Variants in POLR3H observed in about 807,000 individuals in gnomAD.
POLR3H encodes the protein DNA-directed RNA polymerase III subunit RPC8.
In POLR3H, 17 loss-of-function variants were observed where a neutral mutation model predicts 25.5. The observed-to-expected ratio is 0.67, with a 90% confidence interval of 0.46 to 1.00. The LOEUF is 1.00. POLR3H is among the 50% of genes least tolerant of loss of function. POLR3H has a pLI of 0.00. For synonymous variants in POLR3H, 129 were observed against 103.0 expected, an observed-to-expected ratio of 1.25 and a Z score of -1.53; for missense variants, 274 against 265.0, an observed-to-expected ratio of 1.03 and a Z score of -0.24.
At position 41,544,261 on chromosome 22, in the gene POLR3H, A is replaced by T. The variant is rs1394271077; in HGVS notation, c.-160T>A. ...CGGTCTCGGGGGCCCGGTCCGGGCC[A>T]TGCTCCGCTACTACAACATGAGGAA... On this transcript the variant is annotated 5_prime_UTR_variant, in exon 1 of 6. An upstream start codon of the reference 5' UTR is lost. Transcript: ENST00000355209. 1.7e-6 allele frequency: 1 copy of T among 585,796 alleles called. No individual in the cohort carries two copies. The highest frequency in any genetic ancestry group is 2.8e-5 in the East Asian group (1 of 35,096). 36.3% of individuals were successfully genotyped at this position (585,796 alleles called of 1,614,324 possible).
chr22:41,540,464 C>G, intron 2 of POLR3H: 3 of 537,024 alleles, frequency 5.6e-6, no homozygotes, highest in South Asian at 1.9e-5. Context: ...ACTCCCACCA[C>G]CCTCTGGCCA....
chr22:41,536,758 C>T (rs750073170), intron 2 of POLR3H, among the ~76,000 whole-genome samples: 4 of 147,862 alleles, frequency 2.7e-5, no homozygotes, highest in Non-Finnish European at 5.9e-5. Context: ...CTCAGCTACT[C>T]GGGAAGCTGA....
intron 1 of POLR3H, chr22:41,543,700 T>C: frequency 3.6e-6 from 2 of 550,292 alleles, no homozygotes; most frequent in Non-Finnish European, 7.1e-6. Context: ...AGCAATATTT[T>C]ATCCCCATTT....
In POLR3H at chr22:41,529,071, G is replaced by C; in HGVS notation, c.*212C>G. 1 of 577,618 alleles carries C rather than the reference G, an allele frequency of 1.7e-6. No homozygotes were observed. The highest frequency in any genetic ancestry group is 3.1e-6 in the Non-Finnish European group (1 of 326,698). 35.8% of individuals were successfully genotyped at this position (577,618 alleles called of 1,614,324 possible). A position where few individuals can be genotyped will look rare whatever the true frequency, so the allele number is the denominator to read the frequency against. On this transcript the variant is annotated 3_prime_UTR_variant, in exon 6 of 6. Coordinates refer to ENST00000355209, the MANE Select transcript of POLR3H (RefSeq NM_001018050.4). ...AGTCAAGGTCAGTGGAGGCCCAACA[G>C]CCACAGCCACAGATGGATCCATCAC...
rs563348920 is a variant in POLR3H at position 41,529,990 on chromosome 22, C to T, written c.562-654G>A. On this transcript the variant is annotated intron_variant, in intron 5 of 5. Coordinates refer to ENST00000355209, the MANE Select transcript of POLR3H (RefSeq NM_001018050.4). ...CAGGATGGTCTCAATCTCCTGACCT[C>T]GTGATCCGCCCACCTTGGCCTCCCA... is the stretch of plus-strand genomic sequence containing the variant. Among the ~76,000 whole-genome samples, 47 of 152,120 alleles carry T rather than the reference C, an allele frequency of 3.1e-4. 1 individual carries two copies. The highest frequency in any genetic ancestry group is 4.3e-4 in the Non-Finnish European group (29 of 67,966).
At chr22:41,540,168 A>T (rs1387698412) in intron 2 of POLR3H, 1 of 248,252 alleles carries the variant, frequency 4.0e-6, no homozygotes, top group African/African-American at 2.2e-5. Context: ...CTACTATCCA[A>T]GTCCCCCACC....
chr22:41,536,412 T>C (rs905896101), intron 2 of POLR3H, among the ~76,000 whole-genome samples: 6 of 151,338 alleles, frequency 4.0e-5, no homozygotes, highest in African/African-American at 1.5e-4. Flanking sequence ...ATGAAAGTTC[T>C]GGAGGTGGAT....
intron 5 of POLR3H, chr22:41,529,671 A>G (rs1453419119): frequency 1.6e-6 from 1 of 627,594 alleles, no homozygotes; most frequent in Non-Finnish European, 3.0e-6. Context: ...TCCAACAGGG[A>G]GCAGCCTTGA....
At chr22:41,534,077 C>T (rs1601952372) in intron 2 of POLR3H, among the ~76,000 whole-genome samples, 1 of 151,882 alleles carries the variant, frequency 6.6e-6, no homozygotes, top group East Asian at 1.9e-4. Flanking sequence ...GTGGAGGTTG[C>T]AGTACGCCAA....
At chr22:41,533,661 G>A (rs1452603268) in intron 2 of POLR3H, 1 of 1,303,918 alleles carries the variant, frequency 7.7e-7, no homozygotes, top group East Asian at 5.5e-5. Context: ...CAGGGCATGA[G>A]GAGAGGCAGC....
chr22:41,532,824 C>G (rs2066767242), intron 2 of POLR3H, 79 bp from the exon 3 acceptor site: 2 of 1,495,066 alleles, frequency 1.3e-6, no homozygotes, highest in Admixed American at 3.7e-5. Flanking sequence ...TGCCAGCACA[C>G]CTGGGGGCCT....
chr22:41,532,793 C>T (rs200267395), intron 2 of POLR3H, 48 bp from the exon 3 acceptor site: 228 of 1,593,536 alleles, frequency 1.4e-4, no homozygotes, highest in Middle Eastern at 6.7e-4. Context: ...GGCCCCAGTG[C>T]GCTCCCATGT....
chr22:41,529,445 G>A, intron 5 of POLR3H, 109 bp from the exon 6 acceptor site: 1 of 929,490 alleles, frequency 1.1e-6, no homozygotes, highest in Non-Finnish European at 1.7e-6. Context: ...GAAGAGGCGG[G>A]GCACACGGCA....
Position 41,526,138 on chromosome 22 carries a change from C to T in POLR3H, c.*3145G>A. 3.8e-6 allele frequency: 3 copies of T among 788,734 alleles called. No individual in the cohort carries two copies. Among genetic ancestry groups the T allele is most frequent in the South Asian group, 1.8e-5 (1 of 56,812 alleles). 48.9% of individuals were successfully genotyped at this position (788,734 alleles called of 1,614,324 possible). A position where few individuals can be genotyped will look rare whatever the true frequency, so the allele number is the denominator to read the frequency against. On this transcript the variant is annotated 3_prime_UTR_variant, in exon 6 of 6. Transcript: ENST00000355209. The stretch of plus-strand genomic sequence containing the variant: ...CACAGAACACGTGTCTGAAGACTTG[C>T]CTGCCTCTCACCCCTCTGTCACCCC...
In POLR3H at chr22:41,527,053, T is replaced by G. The variant is rs1569025053; in HGVS notation, c.*2230A>C. 6.6e-6 allele frequency: 4 copies of G among 606,268 alleles called. No individual in the cohort carries two copies. Among genetic ancestry groups the G allele is most frequent in the Middle Eastern group, 4.5e-4 (1 of 2,220 alleles). 37.6% of individuals were successfully genotyped at this position (606,268 alleles called of 1,614,324 possible). Reference sequence around the variant, plus strand: ...CAAGCACCAATGGGTGGCTTCTGTCTTCTTTGCCACTGCAAACAACCACGT... The same window carrying G: ...CAAGCACCAATGGGTGGCTTCTGTCGTCTTTGCCACTGCAAACAACCACGT... On this transcript the variant is annotated 3_prime_UTR_variant, in exon 6 of 6. Transcript: ENST00000355209.
At chr22:41,538,461 T>C (rs1194388716) in intron 2 of POLR3H, among the ~76,000 whole-genome samples, 1 of 152,156 alleles carries the variant, frequency 6.6e-6, no homozygotes, top group Non-Finnish European at 1.5e-5. Context: ...GGTTTTGCCA[T>C]GTTGGCCAGG....
At position 41,526,104 on chromosome 22, in the gene POLR3H, C is replaced by T. The variant is rs78687674; in HGVS notation, c.*3179G>A. 8.9e-4 allele frequency: 558 copies of T among 629,450 alleles called. 5 individuals are homozygous for T. The East Asian group carries it at 0.013, about 15-fold the overall frequency. 39.0% of individuals were successfully genotyped at this position (629,450 alleles called of 1,614,324 possible). On this transcript the variant is annotated 3_prime_UTR_variant, in exon 6 of 6. Coordinates refer to ENST00000355209, the MANE Select transcript of POLR3H (RefSeq NM_001018050.4). ...AGCCCATGTGGCCTTAGGGTGGAAG[C>T]ACCAGGACCACAGAACACGTGTCTG...
intron 2 of POLR3H, among the ~76,000 whole-genome samples, chr22:41,536,584 G>A (rs192763715): frequency 0.042 from 6,092 of 146,652 alleles, 162 homozygotes; most frequent in Non-Finnish European, 0.063. Context: ...AAAAAAAAAA[G>A]GCCAGGCGCA....
In POLR3H at chr22:41,544,205, G is replaced by A; in HGVS notation, c.-104C>T. 2.9e-6 allele frequency: 2 copies of A among 679,734 alleles called. No homozygotes were observed. The highest frequency in any genetic ancestry group is 5.1e-6 in the Non-Finnish European group (2 of 395,544). The allele number at this position is 679,734 out of a possible 1,614,324, so 42.1% of individuals were successfully genotyped here. On this transcript the variant is annotated 5_prime_UTR_variant, in exon 1 of 6. Coordinates refer to ENST00000355209, the MANE Select transcript of POLR3H (RefSeq NM_001018050.4). ...CCTTGGTCCCGTCCCAGTCGCTGAG[G>A]CCCCCAGGCTGGCGGTGAGGTTGCA...
Sources: gnomAD v4.1 joint callset for allele counts (sites outside exome capture counted in the v4.1 genomes callset) on GRCh38, gnomAD v4.1.1 for gene constraint, MANE v1.5 for transcripts, NCBI Gene and HGNC (gene_info 2026-07-23, HGNC 2026-07-21) for gene names.